Variants in AHNAK observed in about 807,000 individuals in gnomAD.
AHNAK encodes AHNAK nucleoprotein.
Under a neutral mutation model 37.8 loss-of-function variants are expected in AHNAK, and 23 were observed. That is an observed-to-expected ratio of 0.61 (90% CI 0.44 to 0.86). The LOEUF is 0.86. Ranked by LOEUF, AHNAK falls within the 40% of genes least tolerant of loss-of-function variation. The probability of loss-of-function intolerance (pLI) is 0.00; values close to 1 mark genes in which losing one functional copy is unlikely to be tolerated. For missense variants in AHNAK, 7,411 were observed against 7,319.4 expected (o/e 1.01, Z -0.46); for synonymous variants, 2,481 against 2,636.3 (o/e 0.94, Z 1.80).
chr11:62,545,371 C>A (rs2134277368), intron 1 of AHNAK, among the ~76,000 whole-genome samples: 1 of 152,346 alleles, frequency 6.6e-6, no homozygotes. Context: ...CAGCAAGGGG[C>A]ACAGCCAGCC....
rs1182296295 is a variant in AHNAK at position 62,529,257 on chromosome 11, G to C, written c.5160C>G (p.Phe1720Leu). 6.2e-7 allele frequency: 1 copy of C among 1,614,040 alleles called. No individual in the cohort carries two copies. The highest frequency in any genetic ancestry group is 1.1e-5 in the South Asian group (1 of 91,084). The change falls in exon 5 of 5, where the codon TTC (phenylalanine) becomes TTG (leucine). Residue 1720 changes from phenylalanine (F) to leucine (L), a missense_variant. Physicochemically the swap from Phe to Leu is conservative, Grantham distance 22. Coordinates refer to ENST00000378024, the MANE Select transcript of AHNAK (RefSeq NM_001620.3). The part of the protein sequence containing the change: ...LKMPKMKMPK[F>L]SMPGFKAEGP... ...CCTCTGCTTTGAAGCCAGGCATACTGAACTTGGGCATTTTCATCTTGGGCA... is the reference window on the plus strand; with the variant it reads ...CCTCTGCTTTGAAGCCAGGCATACTCAACTTGGGCATTTTCATCTTGGGCA...
At chr11:62,511,742 C>T (rs922726636), downstream of AHNAK, among the ~76,000 whole-genome samples, 17 of 152,030 alleles carry the variant, frequency 1.1e-4, no homozygotes, top group African/African-American at 2.9e-4. Context: ...ACAGAAAAAA[C>T]GAGAGACAGA....
At chr11:62,485,650 C>T (rs1590622210) in intron 5 of AHNAK, among the ~76,000 whole-genome samples, 1 of 142,544 alleles carries the variant, frequency 7.0e-6, no homozygotes, top group Non-Finnish European at 1.5e-5. Flanking sequence ...TACAGTGAGC[C>T]GAGATTGCAC....
In AHNAK at chr11:62,524,769, A is replaced by G. The variant is rs1288710030; in HGVS notation, c.9648T>C (p.Ala3216=). The G allele has an allele frequency of 6.2e-7, 1 of 1,614,106 alleles. No homozygotes were observed. The highest frequency in any genetic ancestry group is 2.2e-5 in the East Asian group (1 of 44,888). The change falls in exon 5 of 5, where the codon GCT becomes GCC. Residue 3216 remains alanine (A), a synonymous_variant. Transcript: ENST00000378024. ...CCAAATCAGGCATTGATATTTTAGG[A>G]GCTTTGATGTTCATCTCTGGCATCT... ...KFKMPEMNIK[A]PKISMPDLDL...
intron 4 of AHNAK, among the ~76,000 whole-genome samples, chr11:62,492,316 T>A (rs1939517768): frequency 6.6e-6 from 1 of 152,138 alleles, no homozygotes; most frequent in Non-Finnish European, 1.5e-5. Context: ...GGGGTTCCGA[T>A]CACTAGATTC....
At chr11:62,486,317 A>G (rs922234737) in intron 5 of AHNAK, among the ~76,000 whole-genome samples, 2 of 151,848 alleles carry the variant, frequency 1.3e-5, no homozygotes, top group Non-Finnish European at 2.9e-5. Flanking sequence ...TCTACTAAAA[A>G]TACAAAATTA....
chr11:62,508,821 C>T (rs974565002), intron 4 of AHNAK, among the ~76,000 whole-genome samples: 1 of 152,258 alleles, frequency 6.6e-6, no homozygotes, highest in African/African-American at 2.4e-5. Flanking sequence ...CAGAGAGCTG[C>T]TCTGTGCTGC....
In AHNAK at chr11:62,521,826, G is replaced by A. The variant is rs1362931229; in HGVS notation, c.12591C>T (p.Ser4197=). 6.2e-7 allele frequency: 1 copy of A among 1,613,310 alleles called. No individual in the cohort carries two copies. The highest frequency in any genetic ancestry group is 1.3e-5 in the African/African-American group (1 of 74,628). ...KMPKVKMPKF[S]MPGFKGEGPD... ...GGCCCTCTCCTTTGAAGCCAGGCAT[G>A]CTGAACTTGGGCATTTTCACTTTGG... Residue 4197 remains serine (S), a synonymous_variant, in exon 5 of 5, where the codon AGC becomes AGT. Transcript: ENST00000378024.
Position 62,531,532 on chromosome 11 carries a change from C to T in AHNAK, c.2885G>A (p.Gly962Glu), listed in dbSNP as rs664761. 1.5e-5 allele frequency: 25 copies of T among 1,614,094 alleles called. No homozygotes were observed. The highest frequency in any genetic ancestry group is 2.7e-5 in the African/African-American group (2 of 74,928). ...CTTTGGCACTGTCATATCATATTCT[C>T]CCTTTACTTTAGGACCTTTCATATG... ...DLHMKGPKVK[G>E]EYDMTVPKLE... Residue 962 changes from glycine (G) to glutamate (E), a missense_variant, in exon 5 of 5, where the codon GGA (glycine) becomes GAA (glutamate). Coordinates refer to ENST00000378024, the MANE Select transcript of AHNAK (RefSeq NM_001620.3).
intron 4 of AHNAK, among the ~76,000 whole-genome samples, chr11:62,502,410 G>C (rs1939728571): frequency 1.3e-5 from 2 of 152,322 alleles, no homozygotes; most frequent in African/African-American, 4.8e-5. Flanking sequence ...GCTAAAACCT[G>C]AGAGATCAAG....
intron 1 of AHNAK, among the ~76,000 whole-genome samples, chr11:62,537,985 G>A (rs1256933732): frequency 1.3e-5 from 2 of 151,904 alleles, no homozygotes; most frequent in East Asian, 1.9e-4. Context: ...CCGGCCGACC[G>A]AGTCTGTAAG....
Position 62,523,264 on chromosome 11 carries a change from T to C in AHNAK, c.11153A>G (p.Asp3718Gly), listed in dbSNP as rs1781687764. ...KGPKVDIDTP[D>G]INIEGSEGKF... ...ACCCTCTGAGCCTTCGATGTTAATG[T>C]CAGGAGTGTCAATGTCCACTTTGGG... is the stretch of plus-strand genomic sequence containing the variant. Residue 3718 changes from aspartate to glycine, a missense_variant, in exon 5 of 5, where the codon GAC (aspartate) becomes GGC (glycine). Asp to Gly is a moderately conservative substitution (Grantham distance 94). Coordinates refer to ENST00000378024, the MANE Select transcript of AHNAK (RefSeq NM_001620.3). 2.5e-6 allele frequency: 4 copies of C among 1,613,972 alleles called. No homozygotes were observed. Among genetic ancestry groups the C allele is most frequent in the Non-Finnish European group, 3.4e-6 (4 of 1,179,902 alleles).
intron 5 of AHNAK, among the ~76,000 whole-genome samples, chr11:62,469,305 A>T (rs1311301689): frequency 6.6e-6 from 1 of 152,072 alleles, no homozygotes; most frequent in Non-Finnish European, 1.5e-5. Flanking sequence ...TATTTTTAGT[A>T]AAGAGGATGT....
At chr11:62,503,282 C>T (rs1939746213) in intron 4 of AHNAK, among the ~76,000 whole-genome samples, 1 of 152,148 alleles carries the variant, frequency 6.6e-6, no homozygotes, top group Non-Finnish European at 1.5e-5. Flanking sequence ...ACTTCCCCTT[C>T]GGAAACTGTA....
downstream of AHNAK, chr11:62,515,753 C>T: frequency 2.4e-6 from 1 of 412,944 alleles, no homozygotes; most frequent in Non-Finnish European, 3.3e-6. Flanking sequence ...CAAAGATTTT[C>T]TCCCACTACC....
Position 62,478,676 on chromosome 11 carries a change from A to T in AHNAK, c.442+13056T>A, listed in dbSNP as rs542478735. Among the ~76,000 whole-genome samples, 24 of 147,912 alleles carry T rather than the reference A, an allele frequency of 1.6e-4. 1 individual carries two copies. In the South Asian group the frequency reaches 5.2e-3, roughly 32 times the overall value. Reference sequence around the variant, plus strand: ...GGTGCGAGGATCGCTTGAACCCAGGAGATCGATCCTCCTGCAGTGAGCCGT... The same window carrying T: ...GGTGCGAGGATCGCTTGAACCCAGGTGATCGATCCTCCTGCAGTGAGCCGT... On this transcript the variant is annotated intron_variant, in intron 5 of 5. Transcript: ENST00000257247.
rs1260193567 is a variant in AHNAK at position 62,519,253 on chromosome 11, A to C, written c.15164T>G (p.Leu5055Arg). 6.2e-7 allele frequency: 1 copy of C among 1,614,030 alleles called. No homozygotes were observed. Among genetic ancestry groups the C allele is most frequent in the Non-Finnish European group, 8.5e-7 (1 of 1,180,024 alleles). Residue 5055 changes from leucine to arginine, a missense_variant, in exon 5 of 5, where the codon CTC becomes CGC. Leu to Arg is a moderately radical substitution (Grantham distance 102). Coordinates refer to ENST00000378024, the MANE Select transcript of AHNAK (RefSeq NM_001620.3). Reference sequence around the variant, plus strand: ...GTTGACATCTACATCCGGAGCCTTGAGGCTGGCATCAATTTCACCCCCAGG... The same window carrying C: ...GTTGACATCTACATCCGGAGCCTTGCGGCTGGCATCAATTTCACCCCCAGG... The part of the protein sequence containing the change: ...NVPGGEIDAS[L>R]KAPDVDVNIA...
chr11:62,530,501 G>C lies in AHNAK; in HGVS notation c.3916C>G (p.Leu1306Val). Residue 1306 changes from leucine to valine, a missense_variant, in exon 5 of 5, where the codon CTG becomes GTG. By Grantham distance (32) the Leu-to-Val change is conservative. Transcript: ENST00000378024. The part of the protein sequence containing the change: ...DVSLEGPEGK[L>V]KGPKFKMPEM... ...GGCATCTTAAACTTGGGGCCCTTCA[G>C]CTTTCCTTCCGGGCCCTCAAGGCTC... is the stretch of plus-strand genomic sequence containing the variant. The C allele has an allele frequency of 6.2e-7, 1 of 1,612,422 alleles. No homozygotes were observed. The highest frequency in any genetic ancestry group is 8.5e-7 in the Non-Finnish European group (1 of 1,179,684).
rs1204862133 is a variant in AHNAK at position 62,517,025 on chromosome 11, TC to T, written c.17391del (p.Thr5798ArgfsTer23). The stretch of plus-strand genomic sequence containing the variant: ...ACTTCCCCACCTTCAAACTCCAGCG[TC>T]CCCGTCGGGGTGGAAGGTCCAGAGA... Reference protein sequence around the residue: ...REFSGPSTPTGTLEFEGGEVS... With the variant: ...REFSGPSTPTXTLEFEGGEVS... On this transcript the variant is annotated frameshift_variant, in exon 5 of 5. Transcript: ENST00000378024. LOFTEE classifies it high-confidence loss of function. 6.2e-7 allele frequency: 1 copy of T among 1,614,060 alleles called. No homozygotes were observed. Among genetic ancestry groups the T allele is most frequent in the Non-Finnish European group, 8.5e-7 (1 of 1,180,040 alleles).
Sources: allele counts gnomAD v4.1 joint callset (sites outside exome capture counted in the v4.1 genomes callset), GRCh38; gene constraint gnomAD v4.1.1; transcripts MANE v1.5; gene names NCBI Gene and HGNC (gene_info 2026-07-23, HGNC 2026-07-21).